Variants in CEP55 observed in about 807,000 individuals in gnomAD.
CEP55 encodes the protein centrosomal protein 55, also known as centrosomal protein of 55 kDa.
CEP55 carries 57 observed loss-of-function variants against 63.2 expected under a neutral mutation model. The observed-to-expected ratio is 0.90, with a 90% CI of 0.73 to 1.13. The LOEUF (loss-of-function observed/expected upper bound fraction) is 1.13, where lower values mean the gene tolerates loss of function less well. Among genes scored for constraint, CEP55 ranks in the 50% most tolerant of loss-of-function variants. The pLI, the probability that CEP55 is intolerant of heterozygous loss-of-function variation, is 0.00. For missense variants in CEP55, 456 were observed against 518.9 expected (o/e 0.88, Z 1.18); for synonymous variants, 178 against 191.6 (o/e 0.93, Z 0.59).
At chr10:93,497,963 TA>T (rs1033417298) in intron 1 of CEP55, among the ~76,000 whole-genome samples, 2 of 150,710 alleles carry the variant, frequency 1.3e-5, no homozygotes, top group Non-Finnish European at 3.0e-5. Flanking sequence ...TACTAATAGA[TA>T]AAAAAAAATT....
intron 3 of CEP55, among the ~76,000 whole-genome samples, chr10:93,503,762 G>A (rs73323497): frequency 6.6e-6 from 1 of 151,996 alleles, no homozygotes; most frequent in African/African-American, 2.4e-5. Flanking sequence ...ATAATATCAA[G>A]TATACTTTTC....
At chr10:93,516,812 T>G (rs1184553993) in intron 5 of CEP55, 123 bp from the exon 6 acceptor site, 19 of 683,940 alleles carry the variant, frequency 2.8e-5, no homozygotes, top group Non-Finnish European at 4.0e-5. Flanking sequence ...AGTCCCTATC[T>G]CTTGACTTTT....
intron 8 of CEP55, chr10:93,520,018 C>A: frequency 3.5e-6 from 2 of 574,096 alleles, no homozygotes; most frequent in East Asian, 3.1e-5. Context: ...AACATTCCCC[C>A]AACTACCCCA....
chr10:93,528,446 A>G lies in CEP55; in HGVS notation c.*293A>G, dbSNP rs2057947230. The stretch of plus-strand genomic sequence containing the variant: ...ATACTTGGTGAGGAAAAGATAGCTC[A>G]GGTTATTGCTAATGGGTTAATGCAC... On this transcript the variant is annotated 3_prime_UTR_variant, in exon 9 of 9. Transcript: ENST00000371485. The G allele has an allele frequency of 2.9e-6, 1 of 342,132 alleles. No individual in the cohort carries two copies. The highest frequency in any genetic ancestry group is 2.1e-5 in the African/African-American group (1 of 46,664). 21.2% of individuals were successfully genotyped at this position (342,132 alleles called of 1,614,324 possible). A position where few individuals can be genotyped will look rare whatever the true frequency, so the allele number is the denominator to read the frequency against.
intron 8 of CEP55, among the ~76,000 whole-genome samples, chr10:93,525,090 G>A (rs1003110445): frequency 6.6e-6 from 1 of 151,402 alleles, no homozygotes; most frequent in African/African-American, 2.4e-5. Context: ...TTCTGGCCAG[G>A]GCAATCAGGC....
intron 4 of CEP55, among the ~76,000 whole-genome samples, chr10:93,509,711 C>A (rs1376376793): frequency 6.6e-6 from 1 of 152,248 alleles, no homozygotes; most frequent in Non-Finnish European, 1.5e-5. Flanking sequence ...GTCTCCAACT[C>A]CTGACCTCAG....
chr10:93,504,412 G>A (rs967445950), intron 3 of CEP55, among the ~76,000 whole-genome samples: 3 of 151,916 alleles, frequency 2.0e-5, no homozygotes, highest in Non-Finnish European at 4.4e-5. Context: ...GGTGGAGGTT[G>A]CAGTGAGCCA....
intron 6 of CEP55, among the ~76,000 whole-genome samples, chr10:93,518,081 C>T (rs2057822151): frequency 6.6e-6 from 1 of 152,152 alleles, no homozygotes; most frequent in Admixed American, 6.6e-5. Flanking sequence ...AACAGTCCTA[C>T]AAAAGTTGAG....
chr10:93,515,422 G>T lies in CEP55; in HGVS notation c.546G>T (p.Gln182His). ...IQLKDALEKN[Q>H]QWLVYDQQRE... ...CCATTAAGGCTCTGGAGAAAAATCA[G>T]CAGTGGCTCGTGTATGATCAGCAGC... Residue 182 changes from glutamine to histidine, a missense_variant, in exon 5 of 9, where the codon CAG becomes CAT. Gln to His is a conservative substitution (Grantham distance 24). Coordinates refer to ENST00000371485, the MANE Select transcript of CEP55 (RefSeq NM_018131.5). The T allele has an allele frequency of 6.2e-7, 1 of 1,600,336 alleles. No individual in the cohort carries two copies. Among genetic ancestry groups the T allele is most frequent in the East Asian group, 2.2e-5 (1 of 44,568 alleles).
chr10:93,527,963 A>C lies in CEP55; in HGVS notation c.1205A>C (p.Glu402Ala). 6 of 1,613,680 alleles carry C rather than the reference A, an allele frequency of 3.7e-6. No individual in the cohort carries two copies. The highest frequency in any genetic ancestry group is 5.1e-6 in the Non-Finnish European group (6 of 1,179,858). The change falls in exon 9 of 9, where the codon GAG (glutamate) becomes GCG (alanine). Residue 402 changes from glutamate (E) to alanine (A), a missense_variant. Transcript: ENST00000371485. The part of the protein sequence containing the change: ...TQLESLKQLH[E>A]FAITEPLVTF... ...CTTATTTTTCAGAAACAGCTTCATG[A>C]GTTTGCCATCACAGAGCCATTAGTC...
Position 93,503,203 on chromosome 10 carries a change from A to T in CEP55, c.274A>T (p.Lys92Ter), listed in dbSNP as rs1333124261. ...AATACAGCGACTGAGAGACCAACTG[A>T]AGGCCAGATATAGTACTACCACATT... ...KEIQRLRDQL[K>*]ARYSTTTLLE... is the part of the protein sequence containing the mutation. The change falls in exon 3 of 9, where the codon AAG becomes TAG. Residue 92 changes from lysine to a stop codon, truncating the protein, a stop_gained. Coordinates refer to ENST00000371485, the MANE Select transcript of CEP55 (RefSeq NM_018131.5). LOFTEE classifies it high-confidence loss of function. 6 of 1,613,884 alleles carry T rather than the reference A, an allele frequency of 3.7e-6. No homozygotes were observed. Among genetic ancestry groups the T allele is most frequent in the Non-Finnish European group, 5.1e-6 (6 of 1,179,882 alleles).
chr10:93,522,349 C>G (rs147738976), intron 8 of CEP55, among the ~76,000 whole-genome samples: 2,851 of 152,074 alleles, frequency 0.019, 51 homozygotes, highest in Non-Finnish European at 0.029. Context: ...GATGGAAGAT[C>G]AAATGAATGA....
In CEP55 at chr10:93,528,237, C is replaced by A; in HGVS notation, c.*84C>A. ...TGGGCATTTTGAATTATATATTTCA[C>A]ATTTTGCATAAAACTGCCTATCTAC... is the stretch of plus-strand genomic sequence containing the variant. On this transcript the variant is annotated 3_prime_UTR_variant, in exon 9 of 9. Transcript: ENST00000371485. 1 of 1,231,156 alleles carries A rather than the reference C, an allele frequency of 8.1e-7. No homozygotes were observed. Among genetic ancestry groups the A allele is most frequent in the African/African-American group, 1.5e-5 (1 of 65,980 alleles). 76.3% of individuals were successfully genotyped at this position (1,231,156 alleles called of 1,614,324 possible). A position where few individuals can be genotyped will look rare whatever the true frequency, so the allele number is the denominator to read the frequency against.
chr10:93,510,894 T>C (rs993426640), intron 4 of CEP55, among the ~76,000 whole-genome samples: 9 of 152,072 alleles, frequency 5.9e-5, no homozygotes, highest in Non-Finnish European at 1.2e-4. Context: ...TTTAGTGGAT[T>C]CTTGTCAAAC....
At chr10:93,512,845 T>C (rs1226875652) in intron 4 of CEP55, among the ~76,000 whole-genome samples, 1 of 152,212 alleles carries the variant, frequency 6.6e-6, no homozygotes, top group African/African-American at 2.4e-5. Flanking sequence ...TGTTTTAAGA[T>C]AGGCCAAGAA....
At chr10:93,499,884 T>G (rs116900816) in intron 1 of CEP55, among the ~76,000 whole-genome samples, 156 bp from the exon 2 acceptor site, 1 of 152,114 alleles carries the variant, frequency 6.6e-6, no homozygotes, top group African/African-American at 2.4e-5. Flanking sequence ...AAAAAAAAAG[T>G]TACAATACCC....
rs2057651865 is a variant in CEP55 at position 93,503,215 on chromosome 10, A to C, written c.286A>C (p.Ser96Arg). Residue 96 changes from serine to arginine, a missense_variant, in exon 3 of 9, where the codon AGT becomes CGT. Transcript: ENST00000371485. ...RLRDQLKARY[S>R]TTTLLEQLEE... Reference sequence around the variant, plus strand: ...GAGAGACCAACTGAAGGCCAGATATAGTACTACCACATTGCTTGAACAGCT... The same window carrying C: ...GAGAGACCAACTGAAGGCCAGATATCGTACTACCACATTGCTTGAACAGCT... The C allele has an allele frequency of 1.2e-6, 2 of 1,614,038 alleles. No homozygotes were observed. Among genetic ancestry groups the C allele is most frequent in the Non-Finnish European group, 1.7e-6 (2 of 1,179,912 alleles).
chr10:93,510,844 A>G (rs1347187925), intron 4 of CEP55, among the ~76,000 whole-genome samples: 1 of 151,012 alleles, frequency 6.6e-6, no homozygotes, highest in Non-Finnish European at 1.5e-5. Flanking sequence ...ATAGGCTAAC[A>G]TTTTAATCTA....
intron 4 of CEP55, among the ~76,000 whole-genome samples, chr10:93,508,886 T>G (rs926818979): frequency 6.6e-6 from 1 of 152,236 alleles, no homozygotes; most frequent in African/African-American, 2.4e-5. Context: ...CAGCTAAATT[T>G]ACAATCTATT....
Sources: gnomAD v4.1 joint callset for allele counts (sites outside exome capture counted in the v4.1 genomes callset) on GRCh38, gnomAD v4.1.1 for gene constraint, MANE v1.5 for transcripts, NCBI Gene and HGNC (gene_info 2026-07-23, HGNC 2026-07-21) for gene names.